The following RPF2 variants were observed in gnomAD, a reference collection of about 807,000 sequenced individuals.
RPF2 encodes ribosome production factor 2 homolog, also known as brix domain containing 1.
In RPF2, 21 loss-of-function variants were observed where a neutral mutation model predicts 38.9. The ratio of observed to expected loss-of-function variants is 0.54; its 90% CI spans 0.38 to 0.78. The LOEUF is 0.78. Among genes scored for constraint, RPF2 ranks in the 30% least tolerant of loss-of-function variants. The pLI is 0.00. For missense variants in RPF2, 314 were observed against 358.1 expected (o/e 0.88, Z 0.99); for synonymous variants, 121 against 126.2 (o/e 0.96, Z 0.28).
rs200252673 is a variant in RPF2 at position 111,010,860 on chromosome 6, G to GA, written c.493+2732dup. ...ATTGTCAGGATTATAATTTTTAGGG[G>GA]AAAAAAAAACACGTCACCCATTCTT... On this transcript the variant is annotated intron_variant, in intron 7 of 9. Coordinates refer to ENST00000441448, the MANE Select transcript of RPF2 (RefSeq NM_032194.3). 1.9e-4 allele frequency among the ~76,000 whole-genome samples: 28 copies of GA among 149,380 alleles called. No individual in the cohort carries two copies. The South Asian group carries it at 3.2e-3, about 17-fold the overall frequency.
In RPF2 at chr6:111,015,777, T is replaced by C. The variant is rs143958546; in HGVS notation, c.517T>C (p.Ser173Pro). 9 of 1,611,438 alleles carry C rather than the reference T, an allele frequency of 5.6e-6. No homozygotes were observed. The African/African-American group carries it at 9.4e-5, about 17-fold the overall frequency. Residue 173 changes from serine (S) to proline (P), a missense_variant, in exon 8 of 10, where the codon TCA (serine) becomes CCA (proline). Coordinates refer to ENST00000441448, the MANE Select transcript of RPF2 (RefSeq NM_032194.3). ...AGATTTCTTCAGAGGCCCCACAGTA[T>C]CAAATATCCGCCTGGCTGGATTAGA... is the stretch of plus-strand genomic sequence containing the variant. ...LIDFFRGPTV[S>P]NIRLAGLEYV...
Position 110,999,752 on chromosome 6 carries a change from G to T in RPF2, c.358G>T (p.Gly120Cys). The change falls in exon 6 of 10, where the codon GGT becomes TGT. Residue 120 changes from glycine (G) to cysteine (C), a missense_variant. Transcript: ENST00000441448. ...DYHVLDMIEL[G>C]IENFVSLKDI... ...CCATGTGCTGGATATGATTGAATTA[G>T]GTATTGAGAATTTTGTCTCTCTAAA... 1 of 1,600,816 alleles carries T rather than the reference G, an allele frequency of 6.2e-7. No individual in the cohort carries two copies. The highest frequency in any genetic ancestry group is 1.1e-5 in the South Asian group (1 of 90,774).
intron 5 of RPF2, among the ~76,000 whole-genome samples, chr6:110,999,204 A>C (rs1771770974): frequency 6.6e-6 from 1 of 152,078 alleles, no homozygotes; most frequent in Non-Finnish European, 1.5e-5. Flanking sequence ...TTATACTTGC[A>C]TTGAGTGTCT....
At chr6:111,017,568 C>T (rs199864104) in intron 8 of RPF2, among the ~76,000 whole-genome samples, 22,379 of 148,824 alleles carry the variant, frequency 0.15, 1,651 homozygotes, top group East Asian at 0.46. Context: ...TCCTCACCTC[C>T]CAGATGGGGT....
rs955761486 is a variant in RPF2 at position 110,990,568 on chromosome 6, C to G, written c.195-1179C>G. On this transcript the variant is annotated intron_variant, in intron 3 of 9. Transcript: ENST00000441448. Reference sequence around the variant, plus strand: ...TGTTTGGCAATTGGGAACCCCCCCCCCCCCCACCTTTTCTTTTGTTTGTTT... The same window carrying G: ...TGTTTGGCAATTGGGAACCCCCCCCGCCCCCACCTTTTCTTTTGTTTGTTT... Among the ~76,000 whole-genome samples, 96 of 134,428 alleles carry G rather than the reference C, an allele frequency of 7.1e-4. 1 individual carries two copies. The highest frequency in any genetic ancestry group is 3.0e-3 in the Admixed American group (40 of 13,506). The allele number at this position is 134,428 out of a possible 152,430, so 88.2% of individuals were successfully genotyped here. A position where few individuals can be genotyped will look rare whatever the true frequency, so the allele number is the denominator to read the frequency against.
Position 110,985,006 on chromosome 6 carries a change from A to G in RPF2, c.24A>G (p.Val8=). MDTLDRV[V]KPKTKRAKRF... is the part of the protein sequence containing the mutation. ...TTATGAATTGTGCTTTTCTGAACAG[A>G]AAGCCCAAAACGAAAAGAGCCAAGA... Residue 8 remains valine (V), a splice_region_variant and synonymous_variant, in exon 2 of 10, where the codon GTA becomes GTG. Coordinates refer to ENST00000441448, the MANE Select transcript of RPF2 (RefSeq NM_032194.3). The G allele has an allele frequency of 1.2e-6, 2 of 1,611,206 alleles. No homozygotes were observed. The highest frequency in any genetic ancestry group is 8.5e-7 in the Non-Finnish European group (1 of 1,179,630).
intron 4 of RPF2, among the ~76,000 whole-genome samples, chr6:110,992,715 T>C (rs1220779389): frequency 8.5e-5 from 13 of 152,232 alleles, no homozygotes; most frequent in South Asian, 6.2e-4. Context: ...AAATCAAAGA[T>C]TGTTTATAGT....
chr6:110,983,761 C>A (rs886100898), intron 1 of RPF2, among the ~76,000 whole-genome samples: 1 of 151,588 alleles, frequency 6.6e-6, no homozygotes, highest in Non-Finnish European at 1.5e-5. Context: ...CGTGGAGGCT[C>A]ACGCCTGTAA....
chr6:111,024,741 G>T (rs2114359947), intron 9 of RPF2, among the ~76,000 whole-genome samples: 1 of 149,636 alleles, frequency 6.7e-6, no homozygotes, highest in East Asian at 1.9e-4. Flanking sequence ...TATATAAAGA[G>T]ATCAATACAA....
At chr6:110,988,662 C>T (rs35534675) in intron 2 of RPF2, among the ~76,000 whole-genome samples, 9,075 of 152,216 alleles carry the variant, frequency 0.06, 382 homozygotes, top group Non-Finnish European at 0.096. Context: ...GTCTCGAACT[C>T]CTGGGCTTGA....
At chr6:111,021,388 A>G (rs1772232852) in intron 8 of RPF2, among the ~76,000 whole-genome samples, 2 of 152,194 alleles carry the variant, frequency 1.3e-5, no homozygotes. Context: ...AATTTGAAAT[A>G]AAAAATGGAC....
chr6:110,984,915 A>G, intron 1 of RPF2, 91 bp from the exon 2 acceptor site: 1 of 1,327,174 alleles, frequency 7.5e-7, no homozygotes, highest in Non-Finnish European at 1.0e-6. Flanking sequence ...AGTGACAAAT[A>G]TGTTTTTAAG....
At chr6:110,989,160 A>G in intron 3 of RPF2, 95 bp downstream of exon 3, 3 of 1,209,970 alleles carry the variant, frequency 2.5e-6, no homozygotes, top group Middle Eastern at 2.9e-4. Context: ...AAACTTTTTA[A>G]AAAGATATTA....
At chr6:111,025,080 G>A (rs566631321) in intron 9 of RPF2, among the ~76,000 whole-genome samples, 1 of 152,266 alleles carries the variant, frequency 6.6e-6, no homozygotes, top group Admixed American at 6.5e-5. Flanking sequence ...CTAAACACAG[G>A]CTATTTTCTT....
At chr6:111,001,260 A>G (rs960410160) in intron 6 of RPF2, among the ~76,000 whole-genome samples, 1 of 152,258 alleles carries the variant, frequency 6.6e-6, no homozygotes, top group African/African-American at 2.4e-5. Context: ...ACAACATCAA[A>G]TGAGATAATA....
At chr6:111,021,113 G>A (rs111911884) in intron 8 of RPF2, among the ~76,000 whole-genome samples, 7 of 152,206 alleles carry the variant, frequency 4.6e-5, no homozygotes, top group South Asian at 2.1e-4. Context: ...AGATTGCAGC[G>A]AGCCTAGATT....
chr6:111,011,090 G>A (rs17072253), intron 7 of RPF2, among the ~76,000 whole-genome samples: 3,898 of 152,118 alleles, frequency 0.026, 106 homozygotes, highest in African/African-American at 0.076. Context: ...GAAACCCAAC[G>A]CTTCCAAAGC....
intron 8 of RPF2, among the ~76,000 whole-genome samples, chr6:111,023,881 G>A (rs1245389101): frequency 3.3e-5 from 5 of 151,982 alleles, no homozygotes; most frequent in African/African-American, 4.8e-5. Flanking sequence ...CCAGCTACTC[G>A]GGAGGCTGAG....
Position 111,025,694 on chromosome 6 carries a change from T to A in RPF2, c.*112T>A. 4.0e-6 allele frequency: 3 copies of A among 756,812 alleles called. No individual in the cohort carries two copies. The South Asian group carries it at 7.0e-5, about 18-fold the overall frequency. 46.9% of individuals were successfully genotyped at this position (756,812 alleles called of 1,614,324 possible). On this transcript the variant is annotated 3_prime_UTR_variant, in exon 10 of 10. Transcript: ENST00000441448. ...CTTATTATATATTTTTATAACATGA[T>A]AATTTTACGATATATTATTATGAAC...
Sources: gnomAD v4.1 joint callset for allele counts (sites outside exome capture counted in the v4.1 genomes callset) on GRCh38, gnomAD v4.1.1 for gene constraint, MANE v1.5 for transcripts, NCBI Gene and HGNC (gene_info 2026-07-23, HGNC 2026-07-21) for gene names.